The following BACE2 variants were observed in gnomAD, a reference collection of about 807,000 sequenced individuals.
The protein encoded by BACE2 is 56 kDa aspartic-like protease.
BACE2 carries 17 observed loss-of-function variants against 46.2 expected under a neutral mutation model. The observed-to-expected ratio is 0.37, with a 90% confidence interval of 0.25 to 0.55. The LOEUF (loss-of-function observed/expected upper bound fraction) is 0.55, where lower values mean the gene tolerates loss of function less well. Ranked by LOEUF, BACE2 falls within the 20% of genes least tolerant of loss-of-function variation. The pLI is 0.82. For synonymous variants in BACE2, 277 were observed against 295.9 expected (o/e 0.94, Z 0.66); for missense variants, 595 against 698.1 (o/e 0.85, Z 1.66).
Position 41,224,473 on chromosome 21 carries a change from G to T in BACE2, c.313-1793G>T, listed in dbSNP as rs1451451143. The stretch of plus-strand genomic sequence containing the variant: ...CAAAGTGCTGGGATTACAGGCGTGA[G>T]CCACTGTGCCCATCCGATTTTGATT... On this transcript the variant is annotated intron_variant, in intron 1 of 8. Transcript: ENST00000330333. 2.0e-5 allele frequency among the ~76,000 whole-genome samples: 3 copies of T among 152,198 alleles called. No homozygotes were observed. In the East Asian group the frequency reaches 5.8e-4, roughly 29 times the overall value.
chr21:41,259,850 C>T (rs756036394), intron 8 of BACE2, among the ~76,000 whole-genome samples: 3 of 151,352 alleles, frequency 2.0e-5, no homozygotes, highest in Non-Finnish European at 2.9e-5. Flanking sequence ...TATTTTTAGA[C>T]AGGGTCTTGC....
At position 41,273,111 on chromosome 21, in the gene BACE2, G is replaced by A. The variant is rs186613438; in HGVS notation, c.1304-2260G>A. ...GATTTTCAAAGGGGAGGGAGTGTAC[G>A]AATAGGGTGTGGGTCACAGAGATCA... On this transcript the variant is annotated intron_variant, in intron 8 of 8. Coordinates refer to ENST00000330333, the MANE Select transcript of BACE2 (RefSeq NM_012105.5). Among the ~76,000 whole-genome samples the A allele has an allele frequency of 5.6e-3, 849 of 152,272 alleles. 2 individuals are homozygous for A. Among genetic ancestry groups the A allele is most frequent in the Non-Finnish European group, 9.4e-3 (641 of 68,016 alleles).
chr21:41,245,910 C>T (rs368643933), intron 5 of BACE2, 52 bp from the exon 6 acceptor site: 23 of 1,422,648 alleles, frequency 1.6e-5, no homozygotes, highest in East Asian at 1.5e-4. Context: ...CCACGTGGGG[C>T]GGGGAGCGCC....
At chr21:41,172,823 T>C (rs1172887166) in intron 1 of BACE2, among the ~76,000 whole-genome samples, 2 of 152,172 alleles carry the variant, frequency 1.3e-5, no homozygotes, top group Non-Finnish European at 2.9e-5. Flanking sequence ...AATAGAAACT[T>C]GTTCTCATAA....
intron 1 of BACE2, among the ~76,000 whole-genome samples, chr21:41,221,689 G>A (rs1450850269): frequency 8.5e-5 from 13 of 152,236 alleles, no homozygotes; most frequent in South Asian, 2.1e-4. Context: ...TTAGCTGGGC[G>A]TGGTGGCGGG....
intron 1 of BACE2, among the ~76,000 whole-genome samples, chr21:41,198,047 A>G (rs1985801038): frequency 6.6e-6 from 1 of 152,156 alleles, no homozygotes; most frequent in African/African-American, 2.4e-5. Flanking sequence ...GCTGGAGTGC[A>G]GTGGTGCAAT....
rs893032974 is a variant in BACE2 at position 41,170,658 on chromosome 21, T to C, written c.312+2083T>C. 2.0e-5 allele frequency among the ~76,000 whole-genome samples: 3 copies of C among 152,200 alleles called. No homozygotes were observed. The South Asian group carries it at 6.2e-4, about 31-fold the overall frequency. On this transcript the variant is annotated intron_variant, in intron 1 of 8. Transcript: ENST00000330333. Reference sequence around the variant, plus strand: ...GCAGCAGTGAGGTGACTTCTGAACCTGGAGTGAGCTTTCCTGCTCTATTAA... The same window carrying C: ...GCAGCAGTGAGGTGACTTCTGAACCCGGAGTGAGCTTTCCTGCTCTATTAA...
intron 1 of BACE2, among the ~76,000 whole-genome samples, chr21:41,211,021 C>A (rs188014644): frequency 6.6e-6 from 1 of 152,184 alleles, no homozygotes; most frequent in Admixed American, 6.5e-5. Context: ...CGCCTTGCAC[C>A]TTTATAAGAA....
chr21:41,168,638 A>G (rs957089223), intron 1 of BACE2, 63 bp downstream of exon 1: 64 of 1,217,492 alleles, frequency 5.3e-5, no homozygotes, highest in African/African-American at 5.2e-4. Context: ...GGCTGTCCAG[A>G]GACGCCTCCA....
At chr21:41,197,266 G>GTTTTTTTTTTTTTTTTTTTT (rs57910664) in intron 1 of BACE2, among the ~76,000 whole-genome samples, 1 of 144,682 alleles carries the variant, frequency 6.9e-6, no homozygotes. Context: ...AGCCAGCCAG[G>GTTTTTTTTTTTTTTTTTTTT]TTTTTTTTGT....
In BACE2 at chr21:41,227,034, G is replaced by A. The variant is rs540256030; in HGVS notation, c.401+680G>A. Among the ~76,000 whole-genome samples the A allele has an allele frequency of 1.3e-3, 193 of 152,218 alleles. 1 individual carries two copies. The highest frequency in any genetic ancestry group is 2.4e-3 in the Non-Finnish European group (164 of 68,036). ...TCCGAGCAGCCCTGGGTGGGGTTGT[G>A]GGGAGGCCCCCAGCGGCTTGTGGCA... On this transcript the variant is annotated intron_variant, in intron 2 of 8. Coordinates refer to ENST00000330333, the MANE Select transcript of BACE2 (RefSeq NM_012105.5).
At chr21:41,178,907 TG>T in intron 1 of BACE2, 1 of 317,292 alleles carries the variant, frequency 3.2e-6, no homozygotes, top group Non-Finnish European at 6.0e-6. Context: ...CAGTGCCATG[TG>T]GGAAGGGGTA....
chr21:41,241,032 C>T (rs1292247847), intron 3 of BACE2, among the ~76,000 whole-genome samples: 1 of 152,206 alleles, frequency 6.6e-6, no homozygotes, highest in Admixed American at 6.5e-5. Flanking sequence ...TCCCAGTTGT[C>T]AAAGCCAAAA....
chr21:41,174,272 A>G (rs1157633595), intron 1 of BACE2, among the ~76,000 whole-genome samples: 1 of 151,002 alleles, frequency 6.6e-6, no homozygotes, highest in Non-Finnish European at 1.5e-5. Flanking sequence ...CCTCCTGAGT[A>G]GCTGCGACTA....
At chr21:41,172,829 C>G (rs1984651880) in intron 1 of BACE2, among the ~76,000 whole-genome samples, 1 of 152,202 alleles carries the variant, frequency 6.6e-6, no homozygotes, top group South Asian at 2.1e-4. Flanking sequence ...AACTTGTTCT[C>G]ATAATTCTGC....
At chr21:41,264,397 A>T (rs1381524731) in intron 8 of BACE2, among the ~76,000 whole-genome samples, 1 of 152,102 alleles carries the variant, frequency 6.6e-6, no homozygotes, top group African/African-American at 2.4e-5. Context: ...AGCCTGGGCA[A>T]CTGTGTTAGT....
At position 41,241,928 on chromosome 21, in the gene BACE2, G is replaced by A; in HGVS notation, c.728G>A (p.Gly243Glu). 6.2e-7 allele frequency: 1 copy of A among 1,614,122 alleles called. No individual in the cohort carries two copies. Among genetic ancestry groups the A allele is most frequent in the Non-Finnish European group, 8.5e-7 (1 of 1,180,014 alleles). ...CGAGLPVAGS[G>E]TNGGSLVLGG... Reference sequence around the variant, plus strand: ...GCCGGCTTGCCCGTTGCTGGATCTGGGACCAACGGAGGTAGTCTTGTGGGT... The same window carrying A: ...GCCGGCTTGCCCGTTGCTGGATCTGAGACCAACGGAGGTAGTCTTGTGGGT... Residue 243 changes from glycine to glutamate, a missense_variant, in exon 4 of 9, where the codon GGG becomes GAG. Physicochemically the swap from Gly to Glu is moderately conservative, Grantham distance 98 (BLOSUM62 -2). This residue lies in a region of BACE2 where 343 missense variants were observed against 419.4 expected (regional missense o/e 0.82). Transcript: ENST00000330333.
intron 1 of BACE2, chr21:41,183,361 T>A (rs1323343947): frequency 6.0e-6 from 1 of 167,096 alleles, no homozygotes; most frequent in African/African-American, 2.4e-5. Flanking sequence ...AGTGTTCTTT[T>A]ATCTATAAGC....
At chr21:41,170,875 G>A (rs1984583540) in intron 1 of BACE2, among the ~76,000 whole-genome samples, 1 of 152,202 alleles carries the variant, frequency 6.6e-6, no homozygotes, top group African/African-American at 2.4e-5. Context: ...TGCTTTAGGT[G>A]TGCTTTCCCA....
Sources: allele counts gnomAD v4.1 joint callset (sites outside exome capture counted in the v4.1 genomes callset), GRCh38; gene constraint gnomAD v4.1.1; regional missense constraint gnomAD v4.1.1; transcripts MANE v1.5; gene names NCBI Gene and HGNC (gene_info 2026-07-23, HGNC 2026-07-21).